Variants in PLCB1 observed in about 807,000 individuals in gnomAD.
PLCB1 encodes the protein phospholipase C beta 1.
A neutral mutation model predicts 161.8 loss-of-function variants in PLCB1; 46 were observed. The ratio of observed to expected loss-of-function variants is 0.28; its 90% CI spans 0.22 to 0.36. The LOEUF (loss-of-function observed/expected upper bound fraction) is 0.36. Among genes scored for constraint, PLCB1 ranks in the 10% least tolerant of loss-of-function variants. The pLI is 1.00. For missense variants in PLCB1, 1,016 were observed against 1,472.5 expected (o/e 0.69, Z 5.07); for synonymous variants, 517 against 503.7 (o/e 1.03, Z -0.35).
chr20:8,143,134 G>A (rs2051420673), intron 1 of PLCB1, among the ~76,000 whole-genome samples: 1 of 152,052 alleles, frequency 6.6e-6, no homozygotes, highest in Non-Finnish European at 1.5e-5. Flanking sequence ...CCAACACAAT[G>A]TTCCCCAGTC....
At chr20:8,136,440 C>A (rs542668320) in intron 1 of PLCB1, among the ~76,000 whole-genome samples, 134 of 152,168 alleles carry the variant, frequency 8.8e-4, no homozygotes, top group Non-Finnish European at 1.6e-3. Context: ...TCCTGGCTAA[C>A]ACGGTGAAAC....
chr20:8,240,907 G>A (rs1308349013), intron 2 of PLCB1, among the ~76,000 whole-genome samples: 8 of 151,914 alleles, frequency 5.3e-5, no homozygotes, highest in Admixed American at 5.3e-4. Context: ...TACCAGCAAA[G>A]CAAAACCAGT....
intron 2 of PLCB1, among the ~76,000 whole-genome samples, chr20:8,170,547 C>T (rs977177556): frequency 1.3e-5 from 2 of 151,932 alleles, no homozygotes; most frequent in Non-Finnish European, 2.9e-5. Context: ...CTTAGGAAAA[C>T]AAATCAATAA....
At chr20:8,647,383 T>C (rs986243292) in intron 5 of PLCB1, among the ~76,000 whole-genome samples, 1 of 152,220 alleles carries the variant, frequency 6.6e-6, no homozygotes, top group Admixed American at 6.5e-5. Context: ...ATAGCTACTA[T>C]GGACATGTCT....
At chr20:8,546,335 A>G (rs886228460) in intron 3 of PLCB1, among the ~76,000 whole-genome samples, 6 of 140,662 alleles carry the variant, frequency 4.3e-5, no homozygotes, top group East Asian at 3.9e-4. Context: ...AAAAAAAAAA[A>G]AAAGAAAGAA....
At chr20:8,345,288 C>T (rs111830123) in intron 2 of PLCB1, among the ~76,000 whole-genome samples, 32 of 152,132 alleles carry the variant, frequency 2.1e-4, no homozygotes, top group Non-Finnish European at 2.8e-4. Flanking sequence ...TGTTTTCACC[C>T]ATTGGTACCC....
intron 12 of PLCB1, 62 bp from the exon 13 acceptor site, chr20:8,716,202 C>A: frequency 8.3e-7 from 1 of 1,208,870 alleles, no homozygotes; most frequent in Non-Finnish European, 1.2e-6. Context: ...ACAAAGCAAT[C>A]CTGTTCAGGT....
At chr20:8,747,817 C>A (rs1350162754) in intron 23 of PLCB1, among the ~76,000 whole-genome samples, 1 of 152,004 alleles carries the variant, frequency 6.6e-6, no homozygotes, top group Non-Finnish European at 1.5e-5. Context: ...TTTCCTAATT[C>A]AGTGTATGGC....
chr20:8,255,028 A>G (rs1390914658), intron 2 of PLCB1, among the ~76,000 whole-genome samples: 1 of 152,092 alleles, frequency 6.6e-6, no homozygotes, highest in Non-Finnish European at 1.5e-5. Flanking sequence ...CTTGCAATGG[A>G]GAAAAAAGTC....
At chr20:8,356,469 A>G (rs760153764) in intron 2 of PLCB1, among the ~76,000 whole-genome samples, 4 of 152,078 alleles carry the variant, frequency 2.6e-5, no homozygotes, top group Non-Finnish European at 5.9e-5. Context: ...AAAACCACTG[A>G]TTTTTCTATA....
rs1041186281 is a variant in PLCB1, at chr20:8,157,454, A to G, written c.177+7083A>G. Among the ~76,000 whole-genome samples, 9 of 152,314 alleles carry G rather than the reference A, an allele frequency of 5.9e-5. No homozygotes were observed. In the South Asian group the frequency reaches 1.2e-3, roughly 21 times the overall value. ...TTAAACTTTTAGTGTTTTTGAGGAT[A>G]GTTTAGCCACTAAGCCAAGGTTCAG... On this transcript the variant is annotated intron_variant, in intron 2 of 31. Transcript: ENST00000338037.
At chr20:8,586,823 G>A (rs1474948665) in intron 3 of PLCB1, among the ~76,000 whole-genome samples, 1 of 152,026 alleles carries the variant, frequency 6.6e-6, no homozygotes, top group African/African-American at 2.4e-5. Flanking sequence ...TTGTGTTTAG[G>A]CTCACACATT....
At chr20:8,678,069 CA>C (rs970556542) in intron 9 of PLCB1, among the ~76,000 whole-genome samples, 2 of 152,050 alleles carry the variant, frequency 1.3e-5, no homozygotes, top group African/African-American at 4.8e-5. Context: ...GTACATATTG[CA>C]AAAACATTTA....
rs1171306759 is a variant in PLCB1, at chr20:8,757,131, T to C, written c.2609T>C (p.Leu870Pro). Residue 870 changes from leucine (L) to proline (P), a missense_variant, in exon 24 of 32, where the codon CTG becomes CCG. This residue lies in a region of PLCB1 where 398 missense variants were observed against 445.4 expected (regional missense o/e 0.89). Transcript: ENST00000338037. ...AENGVNHTTT[L>P]TPKPPSQALH... ...AATGGGGTGAATCACACTACAACCC[T>C]GACACCCAAGCCACCCTCCCAGGCT... The C allele has an allele frequency of 1.9e-6, 3 of 1,613,272 alleles. No homozygotes were observed. The highest frequency in any genetic ancestry group is 1.7e-6 in the Non-Finnish European group (2 of 1,179,428).
chr20:8,237,209 A>G (rs1057459182), intron 2 of PLCB1, among the ~76,000 whole-genome samples: 4 of 152,096 alleles, frequency 2.6e-5, no homozygotes, highest in Admixed American at 2.0e-4. Flanking sequence ...TTGAAACATA[A>G]ACTGTAAGTA....
At chr20:8,160,375 T>C (rs374158482) in intron 2 of PLCB1, among the ~76,000 whole-genome samples, 21 of 152,204 alleles carry the variant, frequency 1.4e-4, no homozygotes, top group African/African-American at 4.6e-4. Flanking sequence ...ACCACACTAC[T>C]GGTACAATTT....
At chr20:8,774,452 TTCTC>T in intron 26 of PLCB1, 83 bp from the exon 27 acceptor site, 1 of 1,315,642 alleles carries the variant, frequency 7.6e-7, no homozygotes, top group Non-Finnish European at 1.0e-6. Context: ...ACAGAGAACT[TTCTC>T]TAGGAGGAAT....
intron 2 of PLCB1, among the ~76,000 whole-genome samples, chr20:8,309,009 A>G (rs1984265184): frequency 6.6e-6 from 1 of 151,792 alleles, no homozygotes; most frequent in Non-Finnish European, 1.5e-5. Flanking sequence ...ACTGAGTATT[A>G]TTGGGGGAAA....
chr20:8,788,391 G>A, intron 27 of PLCB1, 58 bp from the exon 28 acceptor site: 1 of 1,489,948 alleles, frequency 6.7e-7, no homozygotes, highest in Non-Finnish European at 9.3e-7. Context: ...GAGGGAGGTG[G>A]GAAGGAAGCT....
Sources: gnomAD v4.1 joint callset for allele counts (sites outside exome capture counted in the v4.1 genomes callset) on GRCh38, gnomAD v4.1.1 for gene constraint, gnomAD v4.1.1 regional missense constraint, MANE v1.5 for transcripts, NCBI Gene and HGNC (gene_info 2026-07-23, HGNC 2026-07-21) for gene names.